The following STX11 variants were observed in gnomAD, a reference collection of about 807,000 sequenced individuals.
STX11 encodes syntaxin 11, also known as syntaxin-11.
In STX11, 21 loss-of-function variants were observed where a neutral mutation model predicts 19.9. The ratio of observed to expected loss-of-function variants is 1.06; its 90% CI spans 0.75 to 1.52. The LOEUF (loss-of-function observed/expected upper bound fraction) is 1.52. STX11 is among the 40% of genes most tolerant of loss of function. The probability of loss-of-function intolerance (pLI) is 0.00; values close to 1 mark genes in which losing one functional copy is unlikely to be tolerated. For synonymous variants in STX11, 193 were observed against 174.4 expected (o/e 1.11, Z -0.84); for missense variants, 438 against 405.9 (o/e 1.08, Z -0.68).
At chr6:144,148,397 G>C (rs1333793524), upstream of STX11, among the ~76,000 whole-genome samples, 2 of 152,078 alleles carry the variant, frequency 1.3e-5, no homozygotes, top group Non-Finnish European at 2.9e-5. Flanking sequence ...AGATGGCTTT[G>C]CAATATACCC....
Position 144,162,492 on chromosome 6 carries a change from A to C in STX11, c.-6+11789A>C, listed in dbSNP as rs73778546. Reference sequence around the variant, plus strand: ...GAGCAAAAGTAATGTTCAATTTGCTATTTTATCCAGAATGTGGAAGGCGTC... The same window carrying C: ...GAGCAAAAGTAATGTTCAATTTGCTCTTTTATCCAGAATGTGGAAGGCGTC... On this transcript the variant is annotated intron_variant, in intron 1 of 1. Coordinates refer to ENST00000367568, the MANE Select transcript of STX11 (RefSeq NM_003764.4). This position sits in a 1 kb window ranked among gnomAD's most constrained non-coding sequence, Gnocchi z 4.6. Among the ~76,000 whole-genome samples the C allele has an allele frequency of 1.3e-5, 2 of 152,162 alleles. No homozygotes were observed. The highest frequency in any genetic ancestry group is 4.8e-5 in the African/African-American group (2 of 41,426).
chr6:144,141,255 T>C, the STX11 span, among the ~76,000 whole-genome samples: 1 of 152,224 alleles, frequency 6.6e-6, no homozygotes, highest in Non-Finnish European at 1.5e-5. Flanking sequence ...AAACTTTTGT[T>C]CTATTTGTAT....
In STX11 at chr6:144,186,974, C is replaced by T. The variant is rs777103066; in HGVS notation, c.347C>T (p.Ala116Val). The change falls in exon 2 of 2, where the codon GCC becomes GTC. Residue 116 changes from alanine (A) to valine (V), a missense_variant. Transcript: ENST00000367568. ...AMKELSEAAE[A>V]QHGPHSAVAR... ...AAGGAGCTGAGCGAGGCGGCTGAGGCCCAGCACGGCCCGCACTCGGCAGTG... is the reference window on the plus strand; with the variant it reads ...AAGGAGCTGAGCGAGGCGGCTGAGGTCCAGCACGGCCCGCACTCGGCAGTG... The T allele has an allele frequency of 6.2e-7, 1 of 1,608,956 alleles. No homozygotes were observed. Among genetic ancestry groups the T allele is most frequent in the Non-Finnish European group, 8.5e-7 (1 of 1,179,566 alleles).
In STX11 at chr6:144,151,155, C is replaced by A; in HGVS notation, c.-6+452C>A. On this transcript the variant is annotated intron_variant, in intron 1 of 1. Coordinates refer to ENST00000367568, the MANE Select transcript of STX11 (RefSeq NM_003764.4). This position sits in a 1 kb window ranked among gnomAD's most constrained non-coding sequence, Gnocchi z 4.6. Reference sequence around the variant, plus strand: ...CTTCTTGACTTGAACTTGGCGGTGTCACTCAGTAGCCAGGAAAGACGGAGA... The same window carrying A: ...CTTCTTGACTTGAACTTGGCGGTGTAACTCAGTAGCCAGGAAAGACGGAGA... 2.4e-6 allele frequency: 2 copies of A among 837,100 alleles called. No homozygotes were observed. Among genetic ancestry groups the A allele is most frequent in the Non-Finnish European group, 2.9e-6 (2 of 694,690 alleles). The allele number at this position is 837,100 out of a possible 1,614,324, so 51.9% of individuals were successfully genotyped here.
Position 144,187,241 on chromosome 6 carries a change from A to G in STX11, c.614A>G (p.Asn205Ser), listed in dbSNP as rs771215498. ...ADVKGARAAL[N>S]EIESRHRELL... ...GTGAAGGGCGCGCGGGCCGCCCTCA[A>G]CGAGATCGAGAGCCGCCACCGCGAA... The change falls in exon 2 of 2, where the codon AAC becomes AGC. Residue 205 changes from asparagine (N) to serine (S), a missense_variant. Physicochemically the swap from Asn to Ser is conservative, Grantham distance 46. Coordinates refer to ENST00000367568, the MANE Select transcript of STX11 (RefSeq NM_003764.4). This position sits in a 1 kb window ranked among gnomAD's most constrained non-coding sequence, Gnocchi z 5.6. 13 of 1,613,612 alleles carry G rather than the reference A, an allele frequency of 8.1e-6. No homozygotes were observed. In the East Asian group the frequency reaches 2.2e-4, roughly 28 times the overall value.
Position 144,175,812 on chromosome 6 carries a change from G to A in STX11, c.-5-10811G>A, listed in dbSNP as rs186588763. Among the ~76,000 whole-genome samples, 364 of 152,264 alleles carry A rather than the reference G, an allele frequency of 2.4e-3. 2 individuals are homozygous for A. Among genetic ancestry groups the A allele is most frequent in the Admixed American group, 4.1e-3 (63 of 15,286 alleles). On this transcript the variant is annotated intron_variant, in intron 1 of 1. Transcript: ENST00000367568. The surrounding 1 kb of genome is among the most constrained non-coding windows in gnomAD (Gnocchi z 5.1). ...CCTTACCCACCTGACTTCCACACCCGTGGAGAAATAAGAAAGGAAAAGCAG... is the reference window on the plus strand; with the variant it reads ...CCTTACCCACCTGACTTCCACACCCATGGAGAAATAAGAAAGGAAAAGCAG...
rs970453801 is a variant in STX11 at position 144,190,680 on chromosome 6, C to T, written c.*3189C>T. ...CCTGAAGAAGAAATGAGATGTTCCACCAAAAACACGTAAGCAGGAAGCAGC... is the reference window on the plus strand; with the variant it reads ...CCTGAAGAAGAAATGAGATGTTCCATCAAAAACACGTAAGCAGGAAGCAGC... On this transcript the variant is annotated 3_prime_UTR_variant, in exon 2 of 2. Coordinates refer to ENST00000367568, the MANE Select transcript of STX11 (RefSeq NM_003764.4). Among the ~76,000 whole-genome samples, 2 of 151,800 alleles carry T rather than the reference C, an allele frequency of 1.3e-5. No homozygotes were observed. The highest frequency in any genetic ancestry group is 2.9e-5 in the Non-Finnish European group (2 of 67,950).
chr6:144,175,100 A>G lies in STX11; in HGVS notation c.-5-11523A>G, dbSNP rs1562665336. On this transcript the variant is annotated intron_variant, in intron 1 of 1. Transcript: ENST00000367568. The surrounding 1 kb of genome is among the most constrained non-coding windows in gnomAD (Gnocchi z 5.1). ...CCTGTCTCTACTAACAATGCCAGAC[A>G]TTAGCTGAGCATGGTGACACATGCC... 6.6e-6 allele frequency among the ~76,000 whole-genome samples: 1 copy of G among 152,156 alleles called. No homozygotes were observed. Among genetic ancestry groups the G allele is most frequent in the Non-Finnish European group, 1.5e-5 (1 of 68,022 alleles).
At chr6:144,141,835 C>G in the STX11 span, among the ~76,000 whole-genome samples, 2 of 151,990 alleles carry the variant, frequency 1.3e-5, no homozygotes, top group Non-Finnish European at 1.5e-5. Flanking sequence ...CCAACCACCA[C>G]ACCTGGCTAA....
rs2128755591 is a variant in STX11, at chr6:144,183,937, G to GT, written c.-5-2685dup. On this transcript the variant is annotated intron_variant, in intron 1 of 1. Transcript: ENST00000367568. The surrounding 1 kb of genome is among the most constrained non-coding windows in gnomAD (Gnocchi z 4.6). ...GCATTATTCCCCTCCCTGTGTCCAG[G>GT]TGTTCTCATTGTTCACCTCCCACTT... Among the ~76,000 whole-genome samples, 1 of 152,176 alleles carries GT rather than the reference G, an allele frequency of 6.6e-6. No homozygotes were observed. The highest frequency in any genetic ancestry group is 1.9e-4 in the East Asian group (1 of 5,184).
chr6:144,186,377 G>A (rs976573291), intron 1 of STX11, among the ~76,000 whole-genome samples: 3 of 151,776 alleles, frequency 2.0e-5, no homozygotes, highest in African/African-American at 7.3e-5. Flanking sequence ...TGAGTTCTGC[G>A]CGGCTATGAT....
rs577504667 is a variant in STX11, at chr6:144,167,524, C to A, written c.-6+16821C>A. 6.6e-6 allele frequency among the ~76,000 whole-genome samples: 1 copy of A among 152,218 alleles called. No homozygotes were observed. Among genetic ancestry groups the A allele is most frequent in the African/African-American group, 2.4e-5 (1 of 41,458 alleles). The stretch of plus-strand genomic sequence containing the variant: ...AAGGTGTCACTATCTCAGGCACCCA[C>A]GTGGACAATCTGTGCTTGCTTGGTA... On this transcript the variant is annotated intron_variant, in intron 1 of 1. Transcript: ENST00000367568. The surrounding 1 kb of genome is among the most constrained non-coding windows in gnomAD (Gnocchi z 5.0).
Position 144,180,945 on chromosome 6 carries a change from C to G in STX11, c.-5-5678C>G, listed in dbSNP as rs978438022. 6.6e-6 allele frequency among the ~76,000 whole-genome samples: 1 copy of G among 152,172 alleles called. No individual in the cohort carries two copies. The highest frequency in any genetic ancestry group is 1.5e-5 in the Non-Finnish European group (1 of 68,034). On this transcript the variant is annotated intron_variant, in intron 1 of 1. Transcript: ENST00000367568. This position sits in a 1 kb window ranked among gnomAD's most constrained non-coding sequence, Gnocchi z 5.3. The stretch of plus-strand genomic sequence containing the variant: ...TATTTATTCATGTACCTGAGGGTGC[C>G]TCATCATAGTAAGCTCAGTCTTCAA...
the STX11 span, among the ~76,000 whole-genome samples, chr6:144,140,245 TATATA>T: frequency 5.0e-4 from 25 of 49,962 alleles, no homozygotes; most frequent in African/African-American, 3.7e-3. Flanking sequence ...TATATATATA[TATATA>T]TATATTTATT....
chr6:144,166,931 C>G (rs1801500140), intron 1 of STX11, among the ~76,000 whole-genome samples: 1 of 148,830 alleles, frequency 6.7e-6, no homozygotes, highest in Non-Finnish European at 1.5e-5. Context: ...CCTGACTTCA[C>G]CTGCACAAAA....
In STX11 at chr6:144,172,534, A is replaced by AGACC. The variant is rs1287317889; in HGVS notation, c.-5-14085_-5-14082dup. ...AGAGAAACTGATTCAAAGGGTAGAG[A>AGACC]GACCGACACCACTTCTTGATGGGAC... On this transcript the variant is annotated intron_variant, in intron 1 of 1. Transcript: ENST00000367568. This position sits in a 1 kb window ranked among gnomAD's most constrained non-coding sequence, Gnocchi z 4.2. Among the ~76,000 whole-genome samples the AGACC allele has an allele frequency of 6.6e-6, 1 of 152,204 alleles. No individual in the cohort carries two copies. Among genetic ancestry groups the AGACC allele is most frequent in the African/African-American group, 2.4e-5 (1 of 41,450 alleles).
chr6:144,141,345 T>C, the STX11 span, among the ~76,000 whole-genome samples: 498 of 152,326 alleles, frequency 3.3e-3, 1 homozygote, highest in African/African-American at 0.011. Context: ...TTTTACTTAA[T>C]TGAAATTTGG....
chr6:144,187,580 A>G lies in STX11; in HGVS notation c.*89A>G. Reference sequence around the variant, plus strand: ...AAGCCGGGAGCTCTGCCCTGCAGGGAGTTGCCCCAACCCTTTCCGGAACTC... The same window carrying G: ...AAGCCGGGAGCTCTGCCCTGCAGGGGGTTGCCCCAACCCTTTCCGGAACTC... On this transcript the variant is annotated 3_prime_UTR_variant, in exon 2 of 2. Coordinates refer to ENST00000367568, the MANE Select transcript of STX11 (RefSeq NM_003764.4). This position sits in a 1 kb window ranked among gnomAD's most constrained non-coding sequence, Gnocchi z 5.6. The G allele has an allele frequency of 6.5e-7, 1 of 1,537,870 alleles. No homozygotes were observed. The highest frequency in any genetic ancestry group is 8.9e-7 in the Non-Finnish European group (1 of 1,126,832).
Position 144,152,914 on chromosome 6 carries a change from G to A in STX11, c.-6+2211G>A, listed in dbSNP as rs1336396960. Among the ~76,000 whole-genome samples, 1 of 152,234 alleles carries A rather than the reference G, an allele frequency of 6.6e-6. No individual in the cohort carries two copies. The highest frequency in any genetic ancestry group is 2.4e-5 in the African/African-American group (1 of 41,452). ...CTCCCAAAGTGCTGGGATTGCAGAT[G>A]TGAGCCACCATGCCCTGCCTAATAG... On this transcript the variant is annotated intron_variant, in intron 1 of 1. Coordinates refer to ENST00000367568, the MANE Select transcript of STX11 (RefSeq NM_003764.4). This position sits in a 1 kb window ranked among gnomAD's most constrained non-coding sequence, Gnocchi z 4.9.
Sources: gnomAD v4.1 joint callset for allele counts (sites outside exome capture counted in the v4.1 genomes callset) on GRCh38, gnomAD v4.1.1 for gene constraint, Gnocchi (gnomAD v3.1) non-coding constraint, MANE v1.5 for transcripts, NCBI Gene and HGNC (gene_info 2026-07-23, HGNC 2026-07-21) for gene names.